RALGAPB: variants seen among roughly 807,000 people sequenced by gnomAD.
RALGAPB encodes Ral GTPase activating protein non-catalytic subunit beta, also known as ral GTPase-activating protein subunit beta.
Under a neutral mutation model 161.1 loss-of-function variants are expected in RALGAPB, and 25 were observed. That is an observed-to-expected ratio of 0.16 (90% CI 0.11 to 0.22). The LOEUF (loss-of-function observed/expected upper bound fraction) is 0.22, where lower values mean the gene tolerates loss of function less well. RALGAPB is among the 10% of genes least tolerant of loss of function. The probability of loss-of-function intolerance (pLI) is 1.00; values close to 1 mark genes in which losing one functional copy is unlikely to be tolerated. For synonymous variants in RALGAPB, 629 were observed against 626.1 expected, an observed-to-expected ratio of 1.00 and a Z score of -0.07; for missense variants, 1,391 against 1,815.2, an observed-to-expected ratio of 0.77 and a Z score of 4.25.
At chr20:38,541,677 C>T (rs757318028) in intron 18 of RALGAPB, among the ~76,000 whole-genome samples, 3 of 152,152 alleles carry the variant, frequency 2.0e-5, no homozygotes, top group Non-Finnish European at 2.9e-5. Flanking sequence ...GTCACCACTA[C>T]GTCTACCATC....
Position 38,525,428 on chromosome 20 carries a change from T to C in RALGAPB, c.1812T>C (p.Tyr604=). 6.3e-7 allele frequency: 1 copy of C among 1,596,788 alleles called. No homozygotes were observed. Among genetic ancestry groups the C allele is most frequent in the South Asian group, 1.2e-5 (1 of 86,468 alleles). ...PDRELSKFKS[Y]VNPTELRRSS... is the part of the protein sequence containing the mutation. ...GAGAACTCTCAAAATTCAAAAGCTA[T>C]GTAAATCCAACAGAATTGCGAAGAT... Residue 604 remains tyrosine (Y), a synonymous_variant, in exon 12 of 30, where the codon TAT becomes TAC. Coordinates refer to ENST00000262879, the MANE Select transcript of RALGAPB (RefSeq NM_020336.4).
chr20:38,480,248 C>G (rs1469116350), intron 1 of RALGAPB, among the ~76,000 whole-genome samples: 1 of 151,730 alleles, frequency 6.6e-6, no homozygotes, highest in Admixed American at 6.6e-5. Flanking sequence ...TTGGTCACTG[C>G]TTACCTTTGA....
chr20:38,571,722 TG>T (rs1483310437), intron 28 of RALGAPB, among the ~76,000 whole-genome samples: 1 of 152,218 alleles, frequency 6.6e-6, no homozygotes, highest in Non-Finnish European at 1.5e-5. Context: ...ATATACACCC[TG>T]AAGTGGGATT....
At chr20:38,521,455 G>T (rs1359475914) in intron 9 of RALGAPB, 42 bp from the exon 10 acceptor site, 5 of 1,611,250 alleles carry the variant, frequency 3.1e-6, no homozygotes, top group Non-Finnish European at 3.4e-6. Flanking sequence ...AGCCTACGTG[G>T]CATATTGCAA....
In RALGAPB at chr20:38,509,141, C is replaced by T. The variant is rs1331738953; in HGVS notation, c.805C>T (p.Leu269=). 1 of 1,613,350 alleles carries T rather than the reference C, an allele frequency of 6.2e-7. No individual in the cohort carries two copies. The highest frequency in any genetic ancestry group is 8.5e-7 in the Non-Finnish European group (1 of 1,179,256). The change falls in exon 6 of 30, where the codon CTG becomes TTG. Residue 269 remains leucine, a synonymous_variant. Transcript: ENST00000262879. ...AFKVPDEDAS[L]IPPEMDNECV... is the part of the protein sequence containing the mutation. ...TAAAGTTCCCGATGAAGATGCCAGTCTGATCCCTCCAGAAATGGATAATGA... is the reference window on the plus strand; with the variant it reads ...TAAAGTTCCCGATGAAGATGCCAGTTTGATCCCTCCAGAAATGGATAATGA...
At chr20:38,515,248 G>T (rs2086090188) in intron 6 of RALGAPB, among the ~76,000 whole-genome samples, 3 of 152,180 alleles carry the variant, frequency 2.0e-5, no homozygotes, top group South Asian at 2.1e-4. Context: ...ATGCACACAC[G>T]TTCTCCTTTC....
intron 2 of RALGAPB, among the ~76,000 whole-genome samples, chr20:38,490,462 C>A (rs1031130592): frequency 1.6e-4 from 24 of 151,748 alleles, no homozygotes; most frequent in Non-Finnish European, 2.9e-4. Context: ...CCCGCCTCGG[C>A]CTCCCAAAGT....
chr20:38,490,443 C>G (rs550877349), intron 2 of RALGAPB, among the ~76,000 whole-genome samples: 1 of 151,612 alleles, frequency 6.6e-6, no homozygotes, highest in African/African-American at 2.4e-5. Flanking sequence ...CTCCTGACCT[C>G]GTGATCTGCC....
intron 1 of RALGAPB, among the ~76,000 whole-genome samples, chr20:38,479,832 CT>C (rs1420737388): frequency 2.6e-5 from 4 of 152,202 alleles, no homozygotes; most frequent in Non-Finnish European, 4.4e-5. Flanking sequence ...TGTTACCCCC[CT>C]GACCGCCCTC....
At chr20:38,502,721 G>C (rs1891096) in intron 5 of RALGAPB, among the ~76,000 whole-genome samples, 1 of 152,134 alleles carries the variant, frequency 6.6e-6, no homozygotes, top group African/African-American at 2.4e-5. Context: ...TCGTGCCTCA[G>C]CCTCCCCAGT....
intron 22 of RALGAPB, among the ~76,000 whole-genome samples, chr20:38,556,263 G>A (rs1266202319): frequency 1.3e-5 from 2 of 151,990 alleles, no homozygotes; most frequent in Non-Finnish European, 2.9e-5. Flanking sequence ...AAACTTTCTA[G>A]TTTTAAATAA....
At chr20:38,505,163 C>T (rs1026219387) in intron 5 of RALGAPB, among the ~76,000 whole-genome samples, 1 of 152,174 alleles carries the variant, frequency 6.6e-6, no homozygotes, top group Non-Finnish European at 1.5e-5. Context: ...ATAGCAAAGA[C>T]ATGGAATCAG....
At chr20:38,533,198 G>A (rs542268654) in intron 15 of RALGAPB, among the ~76,000 whole-genome samples, 28 of 152,246 alleles carry the variant, frequency 1.8e-4, no homozygotes, top group African/African-American at 6.3e-4. Flanking sequence ...TGGCAGAGAT[G>A]TCCAATAAGC....
chr20:38,532,200 C>T (rs1475224886), intron 14 of RALGAPB, among the ~76,000 whole-genome samples: 2 of 152,096 alleles, frequency 1.3e-5, no homozygotes, highest in African/African-American at 2.4e-5. Flanking sequence ...GGACTACAGG[C>T]GCCTGCCACT....
rs1268356300 is a variant in RALGAPB at position 38,524,758 on chromosome 20, T to G, written c.1620-20T>G. On this transcript the variant is annotated intron_variant, in intron 10 of 29. Coordinates refer to ENST00000262879, the MANE Select transcript of RALGAPB (RefSeq NM_020336.4). Reference sequence around the variant, plus strand: ...CTTTTGATCAGCAGTTTGTTTAAAATTTTTTTCTTGCTTTCCTAGATTTTA... The same window carrying G: ...CTTTTGATCAGCAGTTTGTTTAAAAGTTTTTTCTTGCTTTCCTAGATTTTA... The G allele has an allele frequency of 1.3e-6, 2 of 1,564,316 alleles. No individual in the cohort carries two copies. Among genetic ancestry groups the G allele is most frequent in the East Asian group, 2.2e-5 (1 of 44,602 alleles).
chr20:38,562,078 T>C (rs1305280633), intron 23 of RALGAPB, among the ~76,000 whole-genome samples: 2 of 152,224 alleles, frequency 1.3e-5, no homozygotes, highest in Non-Finnish European at 2.9e-5. Flanking sequence ...TTACACCTAA[T>C]GTTTATTGAA....
chr20:38,524,749 T>A (rs759722292), intron 10 of RALGAPB, 29 bp from the exon 11 acceptor site: 2 of 1,527,154 alleles, frequency 1.3e-6, no homozygotes, highest in African/African-American at 1.4e-5. Flanking sequence ...ATCAGCAGTT[T>A]GTTTAAAATT....
chr20:38,524,284 A>C (rs1023009354), intron 10 of RALGAPB, among the ~76,000 whole-genome samples: 1 of 152,236 alleles, frequency 6.6e-6, no homozygotes, highest in African/African-American at 2.4e-5. Flanking sequence ...ATAATGGGGA[A>C]GGGACAAAAA....
chr20:38,496,891 G>T (rs1246980004), intron 3 of RALGAPB, among the ~76,000 whole-genome samples: 3 of 151,978 alleles, frequency 2.0e-5, no homozygotes, highest in Non-Finnish European at 4.4e-5. Context: ...AGCTTCAGAG[G>T]GACTATGAGC....
Sources: allele counts gnomAD v4.1 joint callset (sites outside exome capture counted in the v4.1 genomes callset), GRCh38; gene constraint gnomAD v4.1.1; transcripts MANE v1.5; gene names NCBI Gene and HGNC (gene_info 2026-07-23, HGNC 2026-07-21).